Variants in DESI1 observed in about 807,000 individuals in gnomAD.
DESI1 encodes the protein PPPDE peptidase domain containing 2.
A neutral mutation model predicts 22.4 loss-of-function variants in DESI1; 17 were observed. That is an observed-to-expected ratio of 0.76 (90% CI 0.52 to 1.14). The LOEUF (loss-of-function observed/expected upper bound fraction) is 1.14, where lower values mean the gene tolerates loss of function less well. Among genes scored for constraint, DESI1 ranks in the 50% most tolerant of loss-of-function variants. The pLI is 0.00. For missense variants in DESI1, 177 were observed against 208.9 expected, an observed-to-expected ratio of 0.85 and a Z score of 0.94; for synonymous variants, 92 against 84.2, an observed-to-expected ratio of 1.09 and a Z score of -0.51.
intron 1 of DESI1, among the ~76,000 whole-genome samples, chr22:41,613,963 A>T (rs1485205737): frequency 6.6e-6 from 1 of 152,170 alleles, no homozygotes; most frequent in Non-Finnish European, 1.5e-5. Flanking sequence ...AACTGCATCA[A>T]GGTACACTTA....
chr22:41,611,598 T>C, intron 1 of DESI1, among the ~76,000 whole-genome samples: 1 of 148,764 alleles, frequency 6.7e-6, no homozygotes, highest in East Asian at 2.0e-4. Flanking sequence ...CTTCTTTTTT[T>C]TTTTTTTTTT....
Position 41,600,831 on chromosome 22 carries a change from C to T in DESI1, c.*266G>A, listed in dbSNP as rs1005196264. The T allele has an allele frequency of 2.3e-5, 9 of 387,888 alleles. No homozygotes were observed. Among genetic ancestry groups the T allele is most frequent in the South Asian group, 1.0e-4 (4 of 38,184 alleles). 24.0% of individuals were successfully genotyped at this position (387,888 alleles called of 1,614,324 possible). Reference sequence around the variant, plus strand: ...CCCTCCCTTTCTCCAGTGTGGAGGACGCTTAGGAAACAGCATCCGAAGTGA... The same window carrying T: ...CCCTCCCTTTCTCCAGTGTGGAGGATGCTTAGGAAACAGCATCCGAAGTGA... On this transcript the variant is annotated 3_prime_UTR_variant, in exon 6 of 6. Coordinates refer to ENST00000263256, the MANE Select transcript of DESI1 (RefSeq NM_015704.3).
intron 1 of DESI1, among the ~76,000 whole-genome samples, chr22:41,618,877 A>T (rs920844242): frequency 2.0e-5 from 3 of 152,160 alleles, no homozygotes; most frequent in African/African-American, 7.2e-5. Flanking sequence ...ATCCTGGCTA[A>T]CACAGTGAAA....
intron 1 of DESI1, among the ~76,000 whole-genome samples, chr22:41,619,090 C>T (rs1359436420): frequency 6.6e-6 from 1 of 150,542 alleles, no homozygotes; most frequent in Admixed American, 6.6e-5. Flanking sequence ...AAAAAAAAAA[C>T]ACTTGACTGA....
In DESI1 at chr22:41,603,369, G is replaced by A; in HGVS notation, c.303C>T (p.Tyr101=). 6.2e-7 allele frequency: 1 copy of A among 1,614,230 alleles called. No homozygotes were observed. The highest frequency in any genetic ancestry group is 8.5e-7 in the Non-Finnish European group (1 of 1,180,050). Residue 101 remains tyrosine (Y), a synonymous_variant, in exon 5 of 6, where the codon TAC becomes TAT. Transcript: ENST00000263256. ...LGESLFRGEA[Y]NLFEHNCNTF... is the part of the protein sequence containing the mutation. Reference sequence around the variant, plus strand: ...TGTTACAATTGTGTTCAAAGAGGTTGTAGGCCTCACCTCTGTACATTGAAA... The same window carrying A: ...TGTTACAATTGTGTTCAAAGAGGTTATAGGCCTCACCTCTGTACATTGAAA...
intron 1 of DESI1, among the ~76,000 whole-genome samples, chr22:41,619,696 C>T (rs1029049793): frequency 1.3e-5 from 2 of 152,202 alleles, no homozygotes; most frequent in Non-Finnish European, 2.9e-5. Flanking sequence ...GTTCAATTCA[C>T]TACGACATAT....
Position 41,598,683 on chromosome 22 carries a change from G to A in DESI1, c.*2414C>T, listed in dbSNP as rs1054048424. Reference sequence around the variant, plus strand: ...ATGCCCAGAACCCCCTGGATGGAGGGGAGACCCCAGGCAGAGGGGTCTGGA... The same window carrying A: ...ATGCCCAGAACCCCCTGGATGGAGGAGAGACCCCAGGCAGAGGGGTCTGGA... On this transcript the variant is annotated 3_prime_UTR_variant, in exon 6 of 6. Transcript: ENST00000263256. 2 of 152,336 alleles carry A rather than the reference G, an allele frequency of 1.3e-5. No homozygotes were observed. Among genetic ancestry groups the A allele is most frequent in the Admixed American group, 6.5e-5 (1 of 15,284 alleles). 9.4% of individuals were successfully genotyped at this position (152,336 alleles called of 1,614,324 possible). A position where few individuals can be genotyped will look rare whatever the true frequency, so the allele number is the denominator to read the frequency against.
intron 1 of DESI1, among the ~76,000 whole-genome samples, chr22:41,612,921 T>C (rs1009920924): frequency 6.6e-6 from 1 of 152,006 alleles, no homozygotes; most frequent in African/African-American, 2.4e-5. Context: ...GGCAATGACA[T>C]GCCAGGTTTA....
Position 41,600,270 on chromosome 22 carries a change from T to C in DESI1, c.*827A>G, listed in dbSNP as rs1300298235. 1 of 152,222 alleles carries C rather than the reference T, an allele frequency of 6.6e-6. No individual in the cohort carries two copies. The highest frequency in any genetic ancestry group is 1.5e-5 in the Non-Finnish European group (1 of 68,046). The allele number at this position is 152,222 out of a possible 1,614,324, so 9.4% of individuals were successfully genotyped here. ...GCTAAATACTGCGTACTGGCCTGGA[T>C]GGTGGTTACAGAGACTGCAAATAAC... On this transcript the variant is annotated 3_prime_UTR_variant, in exon 6 of 6. Transcript: ENST00000263256.
Position 41,601,053 on chromosome 22 carries a change from A to G in DESI1, c.*44T>C, listed in dbSNP as rs769535492. ...ATCTGGTAGGGTTTGTTTTGTTTAAAAAGGAAAAGCCCTGGTGAGGCAGGG... is the reference window on the plus strand; with the variant it reads ...ATCTGGTAGGGTTTGTTTTGTTTAAGAAGGAAAAGCCCTGGTGAGGCAGGG... On this transcript the variant is annotated 3_prime_UTR_variant, in exon 6 of 6. Coordinates refer to ENST00000263256, the MANE Select transcript of DESI1 (RefSeq NM_015704.3). 4 of 1,552,056 alleles carry G rather than the reference A, an allele frequency of 2.6e-6. No homozygotes were observed. In the East Asian group the frequency reaches 9.1e-5, roughly 35 times the overall value.
chr22:41,616,807 A>G (rs1178994710), intron 1 of DESI1, among the ~76,000 whole-genome samples: 1 of 152,224 alleles, frequency 6.6e-6, no homozygotes, highest in African/African-American at 2.4e-5. Flanking sequence ...CAATTCCAGG[A>G]GGCTGAAAAC....
chr22:41,620,903 C>G lies in DESI1; in HGVS notation c.-64G>C. On this transcript the variant is annotated 5_prime_UTR_variant, in exon 1 of 6. Transcript: ENST00000263256. ...CACCCGGCAGCGGCTTGGACCTTCC[C>G]GTACCCGACGGGAGTGCGAAGCGGA... is the stretch of plus-strand genomic sequence containing the variant. 6.5e-7 allele frequency: 1 copy of G among 1,550,112 alleles called. No homozygotes were observed.
Position 41,607,290 on chromosome 22 carries a change from C to T in DESI1, c.152G>A (p.Gly51Asp). ...GGGGCAGCTGGAGATACCACCACTG[C>T]CGAAGAAGAACTCATCCTTGTGCAC... The part of the protein sequence containing the change: ...IVVHKDEFFF[G>D]SGGISSCPPG... Residue 51 changes from glycine (G) to aspartate (D), a missense_variant, in exon 3 of 6, where the codon GGC becomes GAC. Gly to Asp is a moderately conservative substitution (Grantham distance 94). Transcript: ENST00000263256. 1 of 1,612,244 alleles carries T rather than the reference C, an allele frequency of 6.2e-7. No homozygotes were observed. The highest frequency in any genetic ancestry group is 8.5e-7 in the Non-Finnish European group (1 of 1,179,124).
intron 1 of DESI1, among the ~76,000 whole-genome samples, chr22:41,618,569 C>T (rs973383705): frequency 1.1e-4 from 17 of 152,112 alleles, no homozygotes; most frequent in Admixed American, 4.6e-4. Context: ...ATAGAGCAGA[C>T]GCTCAATAAA....
intron 1 of DESI1, among the ~76,000 whole-genome samples, chr22:41,612,525 A>AC (rs1313537132): frequency 2.0e-5 from 3 of 151,456 alleles, no homozygotes; most frequent in Non-Finnish European, 4.4e-5. Context: ...AAAAAAAAAA[A>AC]AAAGAGTAGG....
rs541444560 is a variant in DESI1 at position 41,611,166 on chromosome 22, A to G, written c.89-3305T>C. On this transcript the variant is annotated intron_variant, in intron 1 of 5. Transcript: ENST00000263256. ...TTTTTTTGAGACAGAGTCTCACTCT[A>G]TTGCCTAGGTTGGAGTGCAGTGGCA... is the stretch of plus-strand genomic sequence containing the variant. Among the ~76,000 whole-genome samples the G allele has an allele frequency of 9.2e-5, 14 of 152,202 alleles. No homozygotes were observed. The South Asian group carries it at 2.9e-3, about 32-fold the overall frequency.
chr22:41,602,163 G>C (rs779249604), intron 5 of DESI1: 16 of 967,686 alleles, frequency 1.7e-5, no homozygotes, highest in Non-Finnish European at 2.0e-5. Context: ...TTCTTCAGTG[G>C]ATACTGCCAT....
chr22:41,614,459 C>A (rs965483285), intron 1 of DESI1, among the ~76,000 whole-genome samples: 7 of 151,750 alleles, frequency 4.6e-5, no homozygotes, highest in Admixed American at 2.0e-4. Context: ...CACTTTGTTT[C>A]CCAGGCTGGA....
At chr22:41,618,811 T>C (rs2067564945) in intron 1 of DESI1, among the ~76,000 whole-genome samples, 1 of 152,216 alleles carries the variant, frequency 6.6e-6, no homozygotes, top group Admixed American at 6.5e-5. Context: ...ACGCCTGTAA[T>C]CCCAGCACGT....
Sources: allele counts gnomAD v4.1 joint callset (sites outside exome capture counted in the v4.1 genomes callset), GRCh38; gene constraint gnomAD v4.1.1; transcripts MANE v1.5; gene names NCBI Gene and HGNC (gene_info 2026-07-23, HGNC 2026-07-21).